The following CHRNB3 variants were observed in gnomAD, a reference collection of about 807,000 sequenced individuals.
CHRNB3 encodes cholinergic receptor nicotinic beta 3 subunit.
A neutral mutation model predicts 40.6 loss-of-function variants in CHRNB3; 37 were observed. That is an observed-to-expected ratio of 0.91 (90% CI 0.70 to 1.20). The LOEUF (loss-of-function observed/expected upper bound fraction) is 1.20, where lower values mean the gene tolerates loss of function less well. Among genes scored for constraint, CHRNB3 ranks in the 50% most tolerant of loss-of-function variants. The probability of loss-of-function intolerance (pLI) is 0.00; values close to 1 mark genes in which losing one functional copy is unlikely to be tolerated. For synonymous variants in CHRNB3, 207 were observed against 207.1 expected (o/e 1.00, Z 0.00); for missense variants, 505 against 551.2 (o/e 0.92, Z 0.84).
chr8:42,700,832 T>TA (rs138834080), intron 1 of CHRNB3, among the ~76,000 whole-genome samples: 1,829 of 152,338 alleles, frequency 0.012, 27 homozygotes, highest in Non-Finnish European at 0.02. Context: ...TCTTATCAGT[T>TA]GTTTGTACCT....
At chr8:42,730,502 G>A in intron 3 of CHRNB3, 92 bp from the exon 4 acceptor site, 1 of 760,828 alleles carries the variant, frequency 1.3e-6, no homozygotes, top group Admixed American at 2.9e-5. Flanking sequence ...TAATAAAACA[G>A]TGGCTTGGTA....
At chr8:42,725,062 C>G (rs940558482) in intron 3 of CHRNB3, among the ~76,000 whole-genome samples, 9 of 151,278 alleles carry the variant, frequency 5.9e-5, no homozygotes, top group Non-Finnish European at 1.3e-4. Context: ...TGAACATAAG[C>G]TACTGTCTTT....
intron 4 of CHRNB3, among the ~76,000 whole-genome samples, chr8:42,731,133 A>G (rs191281387): frequency 6.6e-6 from 1 of 152,104 alleles, no homozygotes; most frequent in Non-Finnish European, 1.5e-5. Context: ...ATCACAGAAG[A>G]AAACTATTTT....
chr8:42,727,094 C>T (rs969407452), intron 3 of CHRNB3, among the ~76,000 whole-genome samples: 5 of 152,222 alleles, frequency 3.3e-5, no homozygotes, highest in Non-Finnish European at 5.9e-5. Context: ...TGCACAGGGC[C>T]GGGCGCCGTG....
chr8:42,735,020 A>T (rs1816497773), intron 5 of CHRNB3, among the ~76,000 whole-genome samples: 1 of 151,304 alleles, frequency 6.6e-6, no homozygotes, highest in South Asian at 2.1e-4. Flanking sequence ...GGAGACGGAG[A>T]CCATCCTGGC....
At position 42,731,797 on chromosome 8, in the gene CHRNB3, C is replaced by T. The variant is rs1424393965; in HGVS notation, c.490C>T (p.Arg164Ter). 4 of 1,613,902 alleles carry T rather than the reference C, an allele frequency of 2.5e-6. No homozygotes were observed. Among genetic ancestry groups the T allele is most frequent in the Non-Finnish European group, 3.4e-6 (4 of 1,180,016 alleles). Reference sequence around the variant, plus strand: ...GGACGTCACGTTTTTCCCGTTCGACCGACAGAACTGCTCCATGAAGTTTGG... The same window carrying T: ...GGACGTCACGTTTTTCCCGTTCGACTGACAGAACTGCTCCATGAAGTTTGG... ...TMDVTFFPFD[R>*]QNCSMKFGSW... The change falls in exon 5 of 6, where the codon CGA becomes TGA. Residue 164 changes from arginine (R) to a stop codon, truncating the protein, a stop_gained. Transcript: ENST00000289957. LOFTEE classifies it high-confidence loss of function.
At chr8:42,736,437 C>CAGTT (rs749892813) in intron 5 of CHRNB3, 47 bp from the exon 6 acceptor site, 4 of 1,606,752 alleles carry the variant, frequency 2.5e-6, no homozygotes, top group Non-Finnish European at 3.4e-6. Flanking sequence ...GAATACAGAA[C>CAGTT]AGTTGCTCAG....
In CHRNB3 at chr8:42,730,594, G is replaced by T; in HGVS notation, c.250G>T (p.Glu84Ter). ...LMTTNVWLKQ[E>*]WTDHKLRWNP... is the part of the protein sequence containing the mutation. ...ATCACAGTGTACTAATTTCATGCAG[G>T]AATGGACAGACCACAAGTTACGCTG... Residue 84 changes from glutamate (E) to a stop codon, truncating the protein, a stop_gained and splice_region_variant, in exon 4 of 6, where the codon GAA becomes TAA. Transcript: ENST00000289957. LOFTEE classifies it high-confidence loss of function. 2 of 1,583,464 alleles carry T rather than the reference G, an allele frequency of 1.3e-6. No individual in the cohort carries two copies. Among genetic ancestry groups the T allele is most frequent in the Non-Finnish European group, 1.7e-6 (2 of 1,159,758 alleles).
intron 5 of CHRNB3, among the ~76,000 whole-genome samples, chr8:42,733,007 A>T (rs1485615833): frequency 6.6e-6 from 1 of 152,018 alleles, no homozygotes; most frequent in Admixed American, 6.6e-5. Context: ...AGGAAAGAGG[A>T]TGTGGTTATT....
intron 1 of CHRNB3, 151 bp downstream of exon 1, chr8:42,697,749 T>G: frequency 3.6e-6 from 2 of 559,872 alleles, no homozygotes; most frequent in Non-Finnish European, 6.3e-6. Context: ...AAATGAGTAA[T>G]TCTGTGAGAT....
chr8:42,699,067 T>A (rs973556423), intron 1 of CHRNB3, among the ~76,000 whole-genome samples: 17 of 152,272 alleles, frequency 1.1e-4, no homozygotes, highest in Non-Finnish European at 1.9e-4. Context: ...TCCATCAGCA[T>A]CTGCTCATAT....
intron 3 of CHRNB3, among the ~76,000 whole-genome samples, chr8:42,728,446 T>C (rs1007789263): frequency 2.0e-5 from 3 of 152,046 alleles, no homozygotes; most frequent in African/African-American, 7.3e-5. Context: ...GAAGGATCAC[T>C]TGAGCCCAGG....
At chr8:42,716,865 T>C (rs1457155503) in intron 3 of CHRNB3, among the ~76,000 whole-genome samples, 2 of 152,044 alleles carry the variant, frequency 1.3e-5, no homozygotes, top group African/African-American at 4.8e-5. Context: ...ATGAGAGGAC[T>C]AAATGACCCG....
chr8:42,704,823 C>G (rs1039618107), intron 1 of CHRNB3, among the ~76,000 whole-genome samples: 3 of 152,192 alleles, frequency 2.0e-5, no homozygotes, highest in Non-Finnish European at 2.9e-5. Flanking sequence ...CTCAGGGACT[C>G]TGTAAGAACT....
Position 42,703,435 on chromosome 8 carries a change from A to AAAAAAAAAAAAAATATATATATAT in CHRNB3, c.53-5281_53-5280insAAAAAAAAAAAATATATATATATA. On this transcript the variant is annotated intron_variant, in intron 1 of 5. Coordinates refer to ENST00000289957, the MANE Select transcript of CHRNB3 (RefSeq NM_000749.5). ...CAAGACTTCGTCTAAAAAAAAAAAA[A>AAAAAAAAAAAAAATATATATATAT]ATATTTATATATATATATATATATA... 8.4e-5 allele frequency among the ~76,000 whole-genome samples: 4 copies of AAAAAAAAAAAAAATATATATATAT among 47,400 alleles called. 1 individual carries two copies. Among genetic ancestry groups the AAAAAAAAAAAAAATATATATATAT allele is most frequent in the Non-Finnish European group, 1.4e-4 (3 of 21,540 alleles). 31.1% of individuals were successfully genotyped at this position (47,400 alleles called of 152,430 possible). A position where few individuals can be genotyped will look rare whatever the true frequency, so the allele number is the denominator to read the frequency against.
At position 42,736,596 on chromosome 8, in the gene CHRNB3, T is replaced by A. The variant is rs1468273916; in HGVS notation, c.1355T>A (p.Met452Lys). 1.2e-6 allele frequency: 2 copies of A among 1,614,108 alleles called. No homozygotes were observed. The highest frequency in any genetic ancestry group is 2.7e-5 in the African/African-American group (2 of 74,934). Residue 452 changes from methionine to lysine, a missense_variant, in exon 6 of 6, where the codon ATG becomes AAG. Physicochemically the swap from Met to Lys is moderately conservative, Grantham distance 95. Coordinates refer to ENST00000289957, the MANE Select transcript of CHRNB3 (RefSeq NM_000749.5). ...CTGATTTTTACCCCTGCTTTGAAGA[T>A]GTGGCTACATAGTTACCATTAGGAA... is the stretch of plus-strand genomic sequence containing the variant. Reference protein sequence around the residue: ...SVLIFTPALKMWLHSYH With the variant: ...SVLIFTPALKKWLHSYH
chr8:42,714,076 T>C (rs1438832526), intron 3 of CHRNB3, among the ~76,000 whole-genome samples: 3 of 152,222 alleles, frequency 2.0e-5, no homozygotes, highest in African/African-American at 7.2e-5. Flanking sequence ...TACGCGCTGT[T>C]ATGGCACAGA....
intron 2 of CHRNB3, among the ~76,000 whole-genome samples, chr8:42,710,189 C>T (rs535435269): frequency 1.8e-4 from 27 of 152,144 alleles, no homozygotes; most frequent in Middle Eastern, 6.8e-3. Flanking sequence ...GGTGTGGTGG[C>T]GTGCACTTAT....
chr8:42,719,242 A>T (rs908537305), intron 3 of CHRNB3, among the ~76,000 whole-genome samples: 1 of 152,198 alleles, frequency 6.6e-6, no homozygotes, highest in African/African-American at 2.4e-5. Flanking sequence ...TCAGCTGGGC[A>T]CTGCTGACTC....
Sources: gnomAD v4.1 joint callset for allele counts (sites outside exome capture counted in the v4.1 genomes callset) on GRCh38, gnomAD v4.1.1 for gene constraint, MANE v1.5 for transcripts, NCBI Gene and HGNC (gene_info 2026-07-23, HGNC 2026-07-21) for gene names.